The following TBC1D22A variants were observed in gnomAD, a reference collection of about 807,000 sequenced individuals.
TBC1D22A encodes the protein putative GTPase activator.
A neutral mutation model predicts 60.2 loss-of-function variants in TBC1D22A; 38 were observed. That is an observed-to-expected ratio of 0.63 (90% CI 0.49 to 0.83). TBC1D22A has a LOEUF of 0.83. Ranked by LOEUF, TBC1D22A falls within the 40% of genes least tolerant of loss-of-function variation. TBC1D22A has a pLI of 0.00. For synonymous variants in TBC1D22A, 302 were observed against 281.7 expected, an observed-to-expected ratio of 1.07 and a Z score of -0.72; for missense variants, 628 against 701.0, an observed-to-expected ratio of 0.90 and a Z score of 1.18.
intron 4 of TBC1D22A, among the ~76,000 whole-genome samples, chr22:46,825,865 T>C (rs2147122476): frequency 6.6e-6 from 1 of 151,698 alleles, no homozygotes; most frequent in South Asian, 2.1e-4. Context: ...ACCTGGGTGA[T>C]GAGACACTGT....
chr22:47,110,467 A>C (rs2065807164), intron 11 of TBC1D22A, among the ~76,000 whole-genome samples: 1 of 152,190 alleles, frequency 6.6e-6, no homozygotes, highest in South Asian at 2.1e-4. Flanking sequence ...CAACAGAGCG[A>C]AATTCCATCT....
At chr22:46,853,730 T>C (rs2087414684) in intron 4 of TBC1D22A, among the ~76,000 whole-genome samples, 1 of 152,194 alleles carries the variant, frequency 6.6e-6, no homozygotes, top group Non-Finnish European at 1.5e-5. Context: ...AAGGGGAGCC[T>C]GAAGAGGTTC....
chr22:47,107,145 G>C (rs771149651), intron 11 of TBC1D22A, among the ~76,000 whole-genome samples: 4 of 152,274 alleles, frequency 2.6e-5, no homozygotes, highest in East Asian at 1.9e-4. Context: ...TTGTAGAGGG[G>C]CTATTAAAAT....
intron 4 of TBC1D22A, among the ~76,000 whole-genome samples, chr22:46,855,240 A>G (rs1010931823): frequency 6.6e-6 from 1 of 152,224 alleles, no homozygotes; most frequent in African/African-American, 2.4e-5. Context: ...GATACACCAT[A>G]TGGTCCCCTT....
At position 46,982,390 on chromosome 22, in the gene TBC1D22A, A is replaced by G. The variant is rs1168678079; in HGVS notation, c.1125+7991A>G. 2.6e-5 allele frequency among the ~76,000 whole-genome samples: 4 copies of G among 152,080 alleles called. No homozygotes were observed. The South Asian group carries it at 6.3e-4, about 24-fold the overall frequency. On this transcript the variant is annotated intron_variant, in intron 9 of 12. Coordinates refer to ENST00000337137, the MANE Select transcript of TBC1D22A (RefSeq NM_014346.5). Reference sequence around the variant, plus strand: ...AGGCACCCGCCTCCACGCCCGGCTAATTTTTATATTTTTAGTAGAGACGGG... The same window carrying G: ...AGGCACCCGCCTCCACGCCCGGCTAGTTTTTATATTTTTAGTAGAGACGGG...
intron 7 of TBC1D22A, among the ~76,000 whole-genome samples, chr22:46,900,607 C>T (rs1287821066): frequency 6.6e-6 from 1 of 152,090 alleles, no homozygotes; most frequent in Non-Finnish European, 1.5e-5. Context: ...AGAGTTCTGC[C>T]CTTTTGTAGA....
intron 4 of TBC1D22A, among the ~76,000 whole-genome samples, chr22:46,829,708 C>T (rs761773913): frequency 1.3e-5 from 2 of 152,324 alleles, no homozygotes; most frequent in South Asian, 4.1e-4. Flanking sequence ...ATGGGGCCAG[C>T]GGCGTTTCTA....
chr22:47,045,585 G>A (rs971600712), intron 11 of TBC1D22A, among the ~76,000 whole-genome samples: 3 of 152,212 alleles, frequency 2.0e-5, no homozygotes, highest in African/African-American at 4.8e-5. Flanking sequence ...GTAAAAACAT[G>A]CAGCAGAACG....
intron 11 of TBC1D22A, among the ~76,000 whole-genome samples, chr22:47,048,886 G>A (rs142059391): frequency 0.013 from 2,054 of 152,348 alleles, 20 homozygotes; most frequent in Middle Eastern, 0.034. Context: ...CTGCCCGCAT[G>A]CACCCTGGAT....
At chr22:47,082,743 G>T (rs370763748) in intron 11 of TBC1D22A, among the ~76,000 whole-genome samples, 1 of 152,244 alleles carries the variant, frequency 6.6e-6, no homozygotes, top group Non-Finnish European at 1.5e-5. Flanking sequence ...GTGCTGACAA[G>T]TATGTGGCTC....
intron 1 of TBC1D22A, among the ~76,000 whole-genome samples, chr22:46,781,133 C>G (rs1488358659): frequency 7.6e-6 from 1 of 132,384 alleles, no homozygotes; most frequent in African/African-American, 2.8e-5. Flanking sequence ...GGTGCCCTCC[C>G]AATTTTGTTT....
At chr22:47,154,017 G>A (rs2067610239) in intron 12 of TBC1D22A, among the ~76,000 whole-genome samples, 1 of 152,148 alleles carries the variant, frequency 6.6e-6, no homozygotes, top group African/African-American at 2.4e-5. Context: ...GTGAGTGGCT[G>A]TGAGAGAGTA....
At chr22:47,003,502 A>ACG (rs2061466329) in intron 10 of TBC1D22A, among the ~76,000 whole-genome samples, 1 of 144,148 alleles carries the variant, frequency 6.9e-6, no homozygotes, top group Non-Finnish European at 1.5e-5. Flanking sequence ...GCCTGTACAC[A>ACG]CACACCCGCC....
intron 8 of TBC1D22A, among the ~76,000 whole-genome samples, chr22:46,951,004 A>T (rs1354269132): frequency 6.6e-6 from 1 of 152,190 alleles, no homozygotes; most frequent in East Asian, 1.9e-4. Context: ...ATCCATCCGT[A>T]GAAGTGTGTA....
intron 8 of TBC1D22A, among the ~76,000 whole-genome samples, chr22:46,947,054 A>G (rs2072591204): frequency 6.6e-6 from 1 of 152,170 alleles, no homozygotes; most frequent in African/African-American, 2.4e-5. Flanking sequence ...AGGGGTCTTT[A>G]GAGACTGCCA....
chr22:46,771,086 T>C (rs561664162), intron 1 of TBC1D22A, among the ~76,000 whole-genome samples: 3 of 152,356 alleles, frequency 2.0e-5, no homozygotes, highest in African/African-American at 7.2e-5. Context: ...TGAATGTGAA[T>C]CATATTTCCT....
chr22:46,858,823 G>C (rs970716869), intron 4 of TBC1D22A, among the ~76,000 whole-genome samples: 1 of 152,224 alleles, frequency 6.6e-6, no homozygotes, highest in Non-Finnish European at 1.5e-5. Context: ...TCTATGAATT[G>C]GGTGCGTTCA....
chr22:47,089,432 A>G (rs1326603779), intron 11 of TBC1D22A, among the ~76,000 whole-genome samples: 4 of 152,264 alleles, frequency 2.6e-5, no homozygotes, highest in Admixed American at 6.5e-5. Flanking sequence ...TCTTTCTACT[A>G]TGCTTTTTAC....
chr22:46,774,900 A>G (rs946940764), intron 1 of TBC1D22A, among the ~76,000 whole-genome samples: 1 of 152,250 alleles, frequency 6.6e-6, no homozygotes, highest in African/African-American at 2.4e-5. Flanking sequence ...CGATGCTGAT[A>G]GAATTTTTAA....
Sources: gnomAD v4.1 joint callset for allele counts (sites outside exome capture counted in the v4.1 genomes callset) on GRCh38, gnomAD v4.1.1 for gene constraint, MANE v1.5 for transcripts, NCBI Gene and HGNC (gene_info 2026-07-23, HGNC 2026-07-21) for gene names.